CHERP: variants seen among roughly 807,000 people sequenced by gnomAD.
CHERP encodes calcium homeostasis endoplasmic reticulum protein, also known as ERPROT 213-21.
CHERP carries 8 observed loss-of-function variants against 113.8 expected under a neutral mutation model. The observed-to-expected ratio is 0.07, with a 90% confidence interval of 0.04 to 0.13. The LOEUF (loss-of-function observed/expected upper bound fraction) is 0.13, where lower values mean the gene tolerates loss of function less well. Ranked by LOEUF, CHERP falls within the 10% of genes least tolerant of loss-of-function variation. The pLI is 1.00. For missense variants in CHERP, 884 were observed against 1,298.2 expected, an observed-to-expected ratio of 0.68 and a Z score of 4.90; for synonymous variants, 559 against 524.5, an observed-to-expected ratio of 1.07 and a Z score of -0.90.
chr19:16,522,218 G>A (rs1381050377), intron 11 of CHERP, among the ~76,000 whole-genome samples: 1 of 151,654 alleles, frequency 6.6e-6, no homozygotes. Flanking sequence ...GCAGTGGCCA[G>A]CATGCCCTTG....
At chr19:16,529,309 T>G (rs1312723857) in intron 8 of CHERP, among the ~76,000 whole-genome samples, 11 of 152,230 alleles carry the variant, frequency 7.2e-5, no homozygotes, top group Admixed American at 7.2e-4. Context: ...TAAGCCACCA[T>G]GCCTAGCCAA....
rs1365929615 is a variant in CHERP, at chr19:16,533,167, G to C, written c.385-19C>G. 6.4e-7 allele frequency: 1 copy of C among 1,570,810 alleles called. No individual in the cohort carries two copies. The highest frequency in any genetic ancestry group is 8.6e-7 in the Non-Finnish European group (1 of 1,159,494). On this transcript the variant is annotated intron_variant, in intron 3 of 16. Transcript: ENST00000546361. The stretch of plus-strand genomic sequence containing the variant: ...CTTGCTCCTGCGGGCGGGGGTCGGT[G>C]GGGTCGAGAACACATGAGGAGGGAC...
At chr19:16,528,931 C>T (rs1411499721) in intron 8 of CHERP, among the ~76,000 whole-genome samples, 6 of 152,136 alleles carry the variant, frequency 3.9e-5, no homozygotes, top group African/African-American at 1.2e-4. Context: ...CCAGCCTGGG[C>T]GACAGAGCAA....
intron 2 of CHERP, chr19:16,540,121 T>C (rs2085768400): frequency 6.6e-6 from 1 of 152,650 alleles, no homozygotes; most frequent in Non-Finnish European, 1.5e-5. Flanking sequence ...TAGAGTGCAG[T>C]GGCACGATCT....
intron 3 of CHERP, among the ~76,000 whole-genome samples, chr19:16,534,183 T>TG (rs2085726659): frequency 6.6e-6 from 1 of 152,116 alleles, no homozygotes; most frequent in African/African-American, 2.4e-5. Context: ...CCCGCGTAGC[T>TG]GGGACTACAG....
chr19:16,534,550 C>A (rs1381873846), intron 3 of CHERP, among the ~76,000 whole-genome samples: 1 of 152,134 alleles, frequency 6.6e-6, no homozygotes, highest in Non-Finnish European at 1.5e-5. Context: ...AATCTCAGCT[C>A]ATGCAACCTT....
chr19:16,529,513 T>C (rs1466112131), intron 8 of CHERP, 135 bp downstream of exon 8: 1 of 1,106,718 alleles, frequency 9.0e-7, no homozygotes, highest in Non-Finnish European at 1.3e-6. Flanking sequence ...GATGAAAACC[T>C]GGGCCTAGGA....
intron 12 of CHERP, chr19:16,521,240 T>G: frequency 1.8e-6 from 1 of 568,348 alleles, no homozygotes; most frequent in Middle Eastern, 4.7e-4. Flanking sequence ...GGGTGACCAC[T>G]GGGAAGGGTG....
chr19:16,540,872 AT>A (rs763448045), intron 2 of CHERP, among the ~76,000 whole-genome samples: 6 of 148,140 alleles, frequency 4.1e-5, no homozygotes, highest in Non-Finnish European at 8.9e-5. Context: ...TAATTTTTGT[AT>A]TTTTCGTAGA....
At chr19:16,531,026 C>T (rs928454251) in intron 5 of CHERP, 146 bp from the exon 6 acceptor site, 14 of 1,337,262 alleles carry the variant, frequency 1.0e-5, no homozygotes, top group African/African-American at 2.9e-5. Flanking sequence ...TGGGCTCCCA[C>T]GAGACCTGTG....
At position 16,519,560 on chromosome 19, in the gene CHERP, G is replaced by A; in HGVS notation, c.2557+61C>T. On this transcript the variant is annotated intron_variant, in intron 16 of 16. Coordinates refer to ENST00000546361, the MANE Select transcript of CHERP (RefSeq NM_006387.6). This position sits in a 1 kb window ranked among gnomAD's most constrained non-coding sequence, Gnocchi z 6.0. ...GCACTGAGGAAGAGAAAGCGCTGGTGACTCCCGGGCCCAGCACGCGTGAGG... is the reference window on the plus strand; with the variant it reads ...GCACTGAGGAAGAGAAAGCGCTGGTAACTCCCGGGCCCAGCACGCGTGAGG... 6.9e-7 allele frequency: 1 copy of A among 1,452,634 alleles called. No homozygotes were observed. Among genetic ancestry groups the A allele is most frequent in the Non-Finnish European group, 9.7e-7 (1 of 1,035,172 alleles). 90.0% of individuals were successfully genotyped at this position (1,452,634 alleles called of 1,614,324 possible). A position where few individuals can be genotyped will look rare whatever the true frequency, so the allele number is the denominator to read the frequency against.
chr19:16,530,226 C>G lies in CHERP; in HGVS notation c.877-326G>C, dbSNP rs867149855. Among the ~76,000 whole-genome samples, 4 of 152,244 alleles carry G rather than the reference C, an allele frequency of 2.6e-5. No homozygotes were observed. The highest frequency in any genetic ancestry group is 3.2e-3 in the Middle Eastern group (1 of 316). On this transcript the variant is annotated intron_variant, in intron 7 of 16. Transcript: ENST00000546361. The surrounding 1 kb of genome is among the most constrained non-coding windows in gnomAD (Gnocchi z 4.1). ...TCTGGGACACGCTCATGGGCTCTGC[C>G]TCCCACTCGCCATGTGGCTCTCAGC...
Position 16,520,769 on chromosome 19 carries a change from C to G in CHERP, c.2201+57G>C. 1.3e-6 allele frequency: 2 copies of G among 1,518,928 alleles called. No individual in the cohort carries two copies. Among genetic ancestry groups the G allele is most frequent in the Admixed American group, 3.3e-5 (2 of 59,918 alleles). 94.1% of individuals were successfully genotyped at this position (1,518,928 alleles called of 1,614,324 possible). A position where few individuals can be genotyped will look rare whatever the true frequency, so the allele number is the denominator to read the frequency against. ...TGAGTGTATCTGGGGTCTGCTCCCA[C>G]CCATCACAAGCTGTGGACCCTGGCC... is the stretch of plus-strand genomic sequence containing the variant. On this transcript the variant is annotated intron_variant, in intron 13 of 16. Transcript: ENST00000546361. The surrounding 1 kb of genome is among the most constrained non-coding windows in gnomAD (Gnocchi z 4.0).
At chr19:16,533,894 G>C (rs1336307574) in intron 3 of CHERP, among the ~76,000 whole-genome samples, 1 of 152,162 alleles carries the variant, frequency 6.6e-6, no homozygotes, top group African/African-American at 2.4e-5. Flanking sequence ...GAAGCAAGAA[G>C]GGGGCAATCT....
chr19:16,532,931 A>G lies in CHERP; in HGVS notation c.522+80T>C. The G allele has an allele frequency of 6.5e-7, 1 of 1,536,350 alleles. No individual in the cohort carries two copies. Among genetic ancestry groups the G allele is most frequent in the Non-Finnish European group, 8.8e-7 (1 of 1,137,384 alleles). On this transcript the variant is annotated intron_variant, in intron 4 of 16. Transcript: ENST00000546361. The surrounding 1 kb of genome is among the most constrained non-coding windows in gnomAD (Gnocchi z 4.4). Reference sequence around the variant, plus strand: ...AAGGGCACCCATTGTAACAGCCCTTAGCCCAGATTGGCTACGACAGGCCCT... The same window carrying G: ...AAGGGCACCCATTGTAACAGCCCTTGGCCCAGATTGGCTACGACAGGCCCT...
In CHERP at chr19:16,541,870, G is replaced by T; in HGVS notation, c.199C>A (p.Leu67Ile). The change falls in exon 2 of 17, where the codon CTC becomes ATC. Residue 67 changes from leucine to isoleucine, a missense_variant and splice_region_variant. Transcript: ENST00000546361. ...GGCCTGAGTGCCGGAGGGGACTCACGCTGCTGCTGCTCCAGCGCCAGCTTG... is the reference window on the plus strand; with the variant it reads ...GGCCTGAGTGCCGGAGGGGACTCACTCTGCTGCTGCTCCAGCGCCAGCTTG... ...KCKLALEQQQ[L>I]ICKQQTPELE... The T allele has an allele frequency of 6.2e-7, 1 of 1,611,478 alleles. No homozygotes were observed.
rs1299360192 is a variant in CHERP, at chr19:16,542,183, G to A, written c.26-140C>T. 5.4e-6 allele frequency: 6 copies of A among 1,117,412 alleles called. No individual in the cohort carries two copies. In the South Asian group the frequency reaches 8.7e-5, roughly 16 times the overall value. The allele number at this position is 1,117,412 out of a possible 1,614,324, so 69.2% of individuals were successfully genotyped here. On this transcript the variant is annotated intron_variant, in intron 1 of 16. Transcript: ENST00000546361. ...AAGAGGCCGCCCTTGTACGGGTCCCGATAGGGGCCACACGCTCGCCGGGAA... is the reference window on the plus strand; with the variant it reads ...AAGAGGCCGCCCTTGTACGGGTCCCAATAGGGGCCACACGCTCGCCGGGAA...
chr19:16,522,589 C>T (rs149223504), intron 11 of CHERP, among the ~76,000 whole-genome samples: 372 of 152,226 alleles, frequency 2.4e-3, no homozygotes, highest in Middle Eastern at 6.8e-3. Context: ...TCACCTCTTG[C>T]CCTATGCTCC....
intron 3 of CHERP, among the ~76,000 whole-genome samples, chr19:16,533,746 A>G (rs1002325450): frequency 1.3e-5 from 2 of 152,072 alleles, no homozygotes; most frequent in African/African-American, 4.8e-5. Context: ...TGAGTGACAC[A>G]GCAAGACCTT....
Sources: gnomAD v4.1 joint callset for allele counts (sites outside exome capture counted in the v4.1 genomes callset) on GRCh38, gnomAD v4.1.1 for gene constraint, Gnocchi (gnomAD v3.1) non-coding constraint, MANE v1.5 for transcripts, NCBI Gene and HGNC (gene_info 2026-07-23, HGNC 2026-07-21) for gene names.